AGMO: variants seen among roughly 807,000 people sequenced by gnomAD.
The protein encoded by AGMO is glyceryl-ether monooxygenase.
Under a neutral mutation model 60.2 loss-of-function variants are expected in AGMO, and 75 were observed. The observed-to-expected ratio is 1.25, with a 90% CI of 1.03 to 1.51. The LOEUF is 1.51. Ranked by LOEUF, AGMO falls within the 40% of genes most tolerant of loss-of-function variation. The pLI is 0.00. For synonymous variants in AGMO, 261 were observed against 177.1 expected (o/e 1.47, Z -3.76); for missense variants, 763 against 525.5 (o/e 1.45, Z -4.42).
intron 12 of AGMO, among the ~76,000 whole-genome samples, chr7:15,211,265 T>A (rs1439812752): frequency 6.6e-6 from 1 of 152,032 alleles, no homozygotes; most frequent in African/African-American, 2.4e-5. Context: ...GAGAGACTAT[T>A]ATGCTACTAT....
chr7:15,276,357 G>A (rs1460868085), intron 12 of AGMO, among the ~76,000 whole-genome samples: 3 of 151,984 alleles, frequency 2.0e-5, no homozygotes, highest in Non-Finnish European at 4.4e-5. Context: ...CCAAAAATAG[G>A]CTCCCAAGCT....
chr7:15,430,549 T>C (rs948180830), intron 4 of AGMO, among the ~76,000 whole-genome samples: 2 of 150,532 alleles, frequency 1.3e-5, no homozygotes, highest in East Asian at 2.0e-4. Context: ...TGATCTATTA[T>C]GATAACAAAA....
chr7:15,189,962 T>G, the AGMO span, among the ~76,000 whole-genome samples: 1 of 150,920 alleles, frequency 6.6e-6, no homozygotes, highest in Non-Finnish European at 1.5e-5. Context: ...TTTCCTTTTG[T>G]GTTTTGGGAC....
At chr7:15,229,898 A>G (rs1782206637) in intron 12 of AGMO, among the ~76,000 whole-genome samples, 2 of 151,474 alleles carry the variant, frequency 1.3e-5, no homozygotes, top group African/African-American at 4.8e-5. Context: ...GGAATTAGAA[A>G]CATTATCTAA....
chr7:15,371,318 T>C (rs1583469532), intron 10 of AGMO, among the ~76,000 whole-genome samples: 1 of 145,850 alleles, frequency 6.9e-6, no homozygotes, highest in Non-Finnish European at 1.5e-5. Context: ...TTTCCAGCCT[T>C]AAGCTATTCT....
intron 5 of AGMO, among the ~76,000 whole-genome samples, chr7:15,410,702 A>G (rs1347219049): frequency 6.6e-6 from 1 of 151,822 alleles, no homozygotes; most frequent in Non-Finnish European, 1.5e-5. Context: ...CTATGTGATA[A>G]ATTACAAGTA....
chr7:15,485,020 G>A (rs1420953857), intron 3 of AGMO, among the ~76,000 whole-genome samples: 27 of 150,812 alleles, frequency 1.8e-4, no homozygotes, highest in African/African-American at 6.3e-4. Flanking sequence ...AGAGATATGA[G>A]AAAGAGGGTA....
At chr7:15,120,257 T>C in the AGMO span, among the ~76,000 whole-genome samples, 1 of 152,116 alleles carries the variant, frequency 6.6e-6, no homozygotes, top group African/African-American at 2.4e-5. Flanking sequence ...AAAAATGCTT[T>C]CCCAAGGTCA....
intron 10 of AGMO, among the ~76,000 whole-genome samples, chr7:15,379,676 A>G (rs1188533688): frequency 6.6e-6 from 1 of 152,082 alleles, no homozygotes; most frequent in Non-Finnish European, 1.5e-5. Flanking sequence ...CCAGAGGTAC[A>G]AAGAAGAGCT....
the AGMO span, among the ~76,000 whole-genome samples, chr7:15,178,454 C>G: frequency 1.3e-5 from 2 of 152,118 alleles, no homozygotes; most frequent in African/African-American, 4.8e-5. Flanking sequence ...TTCCTTAGTT[C>G]ATGGGAATCT....
intron 3 of AGMO, among the ~76,000 whole-genome samples, chr7:15,513,219 G>C (rs1383134756): frequency 6.6e-6 from 1 of 152,130 alleles, no homozygotes. Flanking sequence ...AAAAATAATT[G>C]AGACATAGAC....
chr7:15,354,445 C>CGT (rs1191053177), intron 12 of AGMO, among the ~76,000 whole-genome samples: 1 of 16,264 alleles, frequency 6.1e-5, no homozygotes, highest in African/African-American at 5.8e-4. Context: ...TGTATACACA[C>CGT]GTGTGTGTAT....
At chr7:15,443,874 G>T (rs186797219) in intron 3 of AGMO, among the ~76,000 whole-genome samples, 168 of 152,056 alleles carry the variant, frequency 1.1e-3, no homozygotes, top group African/African-American at 3.9e-3. Context: ...GCATTTTCAT[G>T]GTCCCCTCTC....
In AGMO at chr7:15,398,790, C is replaced by T. The variant is rs145682300; in HGVS notation, c.610-4611G>A. Among the ~76,000 whole-genome samples, 382 of 151,818 alleles carry T rather than the reference C, an allele frequency of 2.5e-3. 15 individuals are homozygous for T. The East Asian group carries it at 0.058, about 23-fold the overall frequency. ...CAGAGGGCTTCAATATAACATAGTC[C>T]AATACTTCATTATTTTTAAAAAACC... is the stretch of plus-strand genomic sequence containing the variant. On this transcript the variant is annotated intron_variant, in intron 5 of 12. Transcript: ENST00000342526.
At chr7:15,488,628 C>A (rs767284536) in intron 3 of AGMO, among the ~76,000 whole-genome samples, 29 of 152,058 alleles carry the variant, frequency 1.9e-4, no homozygotes, top group Admixed American at 1.3e-4. Flanking sequence ...GCAAATATTT[C>A]ATTTTTAAAC....
chr7:15,161,763 T>C, the AGMO span, among the ~76,000 whole-genome samples: 1 of 151,974 alleles, frequency 6.6e-6, no homozygotes, highest in Admixed American at 6.6e-5. Flanking sequence ...ACGCACACCC[T>C]ATTGGTTCTG....
At chr7:15,522,660 C>T (rs1469597144) in intron 3 of AGMO, among the ~76,000 whole-genome samples, 5 of 151,938 alleles carry the variant, frequency 3.3e-5, no homozygotes, top group African/African-American at 4.8e-5. Context: ...AAACTGAAAC[C>T]GGACCCCTTC....
chr7:15,321,277 G>A (rs955560217), intron 12 of AGMO, among the ~76,000 whole-genome samples: 1 of 151,964 alleles, frequency 6.6e-6, no homozygotes, highest in African/African-American at 2.4e-5. Context: ...GGACAAAGAG[G>A]GGCTGCCACA....
chr7:15,517,333 G>GTGTA (rs1783844008), intron 3 of AGMO, among the ~76,000 whole-genome samples: 1 of 151,174 alleles, frequency 6.6e-6, no homozygotes, highest in African/African-American at 2.4e-5. Flanking sequence ...GTGTGTGTGT[G>GTGTA]TATATACTTA....
Sources: gnomAD v4.1 joint callset for allele counts (sites outside exome capture counted in the v4.1 genomes callset) on GRCh38, gnomAD v4.1.1 for gene constraint, MANE v1.5 for transcripts, NCBI Gene and HGNC (gene_info 2026-07-23, HGNC 2026-07-21) for gene names.